Variants in RBM5 observed in about 807,000 individuals in gnomAD.
RBM5 encodes RNA-binding protein 5.
RBM5 carries 15 observed loss-of-function variants against 124.6 expected under a neutral mutation model. That is an observed-to-expected ratio of 0.12 (90% CI 0.08 to 0.19). The LOEUF is 0.19. RBM5 is among the 10% of genes least tolerant of loss of function. RBM5 has a pLI of 1.00. For synonymous variants in RBM5, 337 were observed against 361.2 expected (o/e 0.93, Z 0.76); for missense variants, 580 against 1,026.5 (o/e 0.57, Z 5.94).
At chr3:50,111,329 A>G (rs2091139904) in intron 17 of RBM5, among the ~76,000 whole-genome samples, 3 of 152,226 alleles carry the variant, frequency 2.0e-5, no homozygotes, top group African/African-American at 4.8e-5. Context: ...CACTCGAAGA[A>G]GAAACCCTGT....
At chr3:50,110,879 G>A (rs2091131098) in intron 17 of RBM5, 109 bp downstream of exon 17, 1 of 840,864 alleles carries the variant, frequency 1.2e-6, no homozygotes, top group Non-Finnish European at 1.8e-6. Flanking sequence ...ACTCAGATTA[G>A]TTTTAACTTC....
chr3:50,100,635 A>G lies in RBM5; in HGVS notation c.483+30A>G, dbSNP rs904743351. On this transcript the variant is annotated intron_variant, in intron 6 of 24. Coordinates refer to ENST00000347869, the MANE Select transcript of RBM5 (RefSeq NM_005778.4). The surrounding 1 kb of genome is among the most constrained non-coding windows in gnomAD (Gnocchi z 5.1). Reference sequence around the variant, plus strand: ...CTTCACTCACCAAGTCTAGATATTCATGAAAATGGAACAAGTCTGTACAAT... The same window carrying G: ...CTTCACTCACCAAGTCTAGATATTCGTGAAAATGGAACAAGTCTGTACAAT... 1 of 1,538,548 alleles carries G rather than the reference A, an allele frequency of 6.5e-7. No individual in the cohort carries two copies. Among genetic ancestry groups the G allele is most frequent in the Non-Finnish European group, 9.0e-7 (1 of 1,111,722 alleles).
chr3:50,090,278 T>C (rs532669456), intron 1 of RBM5, 104 bp from the exon 2 acceptor site: 1 of 692,714 alleles, frequency 1.4e-6, no homozygotes, highest in South Asian at 2.0e-5. Flanking sequence ...TGTCAATGAT[T>C]TGAAGGTTTG....
chr3:50,092,853 A>G (rs186253642), intron 3 of RBM5: 1 of 339,142 alleles, frequency 2.9e-6, no homozygotes, highest in Admixed American at 3.2e-5. Context: ...GTTAGAGGCC[A>G]GCCTGGGCAC....
intron 11 of RBM5, 35 bp from the exon 12 acceptor site, chr3:50,107,447 G>A (rs751496840): frequency 1.3e-6 from 2 of 1,505,472 alleles, no homozygotes; most frequent in Admixed American, 3.3e-5. Flanking sequence ...GGAATACTGT[G>A]ATAGAATCAC....
In RBM5 at chr3:50,093,711, G is replaced by C. The variant is rs1227388960; in HGVS notation, c.184-9G>C. On this transcript the variant is annotated splice_polypyrimidine_tract_variant and intron_variant, in intron 3 of 24. Coordinates refer to ENST00000347869, the MANE Select transcript of RBM5 (RefSeq NM_005778.4). The stretch of plus-strand genomic sequence containing the variant: ...GATGTTAATTGTGATTTTGTTTATT[G>C]TAACTCAGAGAGAGCGTGAAAGAAG... 6.2e-7 allele frequency: 1 copy of C among 1,610,048 alleles called. No individual in the cohort carries two copies. Among genetic ancestry groups the C allele is most frequent in the Admixed American group, 1.7e-5 (1 of 59,950 alleles).
chr3:50,093,906 T>A, intron 4 of RBM5, 31 bp downstream of exon 4: 1 of 1,581,818 alleles, frequency 6.3e-7, no homozygotes, highest in Non-Finnish European at 8.7e-7. Context: ...TAACCAGCAG[T>A]CAGTAGGCAC....
At chr3:50,099,859 CAG>C in intron 4 of RBM5, 121 bp from the exon 5 acceptor site, 1 of 763,976 alleles carries the variant, frequency 1.3e-6, no homozygotes, top group Non-Finnish European at 2.0e-6. Context: ...GAGTGAGAGA[CAG>C]AGACTCCCAT....
intron 4 of RBM5, among the ~76,000 whole-genome samples, chr3:50,099,053 C>A (rs534391522): frequency 2.1e-4 from 32 of 152,120 alleles, no homozygotes; most frequent in African/African-American, 6.7e-4. Context: ...CCAGGAGTTC[C>A]AGACCAGCCT....
intron 24 of RBM5, 52 bp from the exon 25 acceptor site, chr3:50,118,279 G>A: frequency 1.9e-6 from 3 of 1,606,320 alleles, no homozygotes; most frequent in Non-Finnish European, 2.6e-6. Context: ...ATGGTGAGAG[G>A]TGGAGCAGCC....
At chr3:50,097,689 A>T (rs1192577800) in intron 4 of RBM5, among the ~76,000 whole-genome samples, 1 of 152,210 alleles carries the variant, frequency 6.6e-6, no homozygotes, top group Admixed American at 6.5e-5. Flanking sequence ...CAAGCCTACC[A>T]GCCAGAATAC....
At chr3:50,106,092 A>T (rs1308912704) in intron 10 of RBM5, among the ~76,000 whole-genome samples, 1 of 134,016 alleles carries the variant, frequency 7.5e-6, no homozygotes, top group East Asian at 2.2e-4. Flanking sequence ...AGCTGGGATT[A>T]CAGGTGCCCG....
intron 18 of RBM5, 102 bp from the exon 19 acceptor site, chr3:50,113,848 G>A: frequency 1.5e-6 from 2 of 1,332,914 alleles, no homozygotes; most frequent in Admixed American, 4.5e-5. Context: ...AGTAAAAGGG[G>A]TTTGTTACAG....
chr3:50,110,582 A>T (rs2091126404), intron 16 of RBM5, 97 bp from the exon 17 acceptor site: 1 of 1,435,552 alleles, frequency 7.0e-7, no homozygotes, highest in Admixed American at 1.8e-5. Flanking sequence ...TGAGACAGAG[A>T]AGAAACATTA....
chr3:50,118,248 C>T, intron 24 of RBM5, 83 bp from the exon 25 acceptor site: 1 of 1,571,770 alleles, frequency 6.4e-7, no homozygotes, highest in African/African-American at 1.4e-5. Context: ...GGTGGGTGGT[C>T]CTGCTGGGTA....
At chr3:50,090,545 T>C in intron 2 of RBM5, 94 bp downstream of exon 2, 4 of 1,458,128 alleles carry the variant, frequency 2.7e-6, no homozygotes, top group Non-Finnish European at 3.8e-6. Context: ...ATATGAGTGT[T>C]TTGCGCCAGG....
intron 6 of RBM5, 131 bp from the exon 7 acceptor site, chr3:50,102,952 C>A: frequency 1.4e-6 from 1 of 699,368 alleles, no homozygotes; most frequent in East Asian, 2.7e-5. Flanking sequence ...GTATAGGTGG[C>A]GGTGGTTGGT....
intron 4 of RBM5, chr3:50,094,172 T>TC (rs1444354269): frequency 5.2e-6 from 1 of 193,796 alleles, no homozygotes; most frequent in African/African-American, 2.3e-5. Context: ...TTTTTTTTTT[T>TC]TTAAGACAGA....
At chr3:50,115,072 ACACTTGAAT>A (rs1472176743) in intron 20 of RBM5, 1 of 194,596 alleles carries the variant, frequency 5.1e-6, no homozygotes, top group Non-Finnish European at 1.0e-5. Context: ...GGAGGCTGAG[ACACTTGAAT>A]CACTTGAACC....
Sources: allele counts gnomAD v4.1 joint callset (sites outside exome capture counted in the v4.1 genomes callset), GRCh38; gene constraint gnomAD v4.1.1; non-coding constraint Gnocchi (gnomAD v3.1); transcripts MANE v1.5; gene names NCBI Gene and HGNC (gene_info 2026-07-23, HGNC 2026-07-21).